The following CSMD1 variants were observed in gnomAD, a reference collection of about 807,000 sequenced individuals.
CSMD1 encodes CUB and Sushi multiple domains 1.
In CSMD1, 213 loss-of-function variants were observed where a neutral mutation model predicts 417.5. The observed-to-expected ratio is 0.51, with a 90% CI of 0.46 to 0.57. The LOEUF (loss-of-function observed/expected upper bound fraction) is 0.57, where lower values mean the gene tolerates loss of function less well. Ranked by LOEUF, CSMD1 falls within the 20% of genes least tolerant of loss-of-function variation. The pLI is 0.00. For synonymous variants in CSMD1, 2,862 were observed against 1,736.8 expected (o/e 1.65, Z -16.11); for missense variants, 6,923 against 4,529.7 (o/e 1.53, Z -15.17).
rs1386911764 is a variant in CSMD1 at position 4,266,757 on chromosome 8, A to G, written c.415+153196T>C. On this transcript the variant is annotated intron_variant, in intron 3 of 69. Coordinates refer to ENST00000635120, the MANE Select transcript of CSMD1 (RefSeq NM_033225.6). The stretch of plus-strand genomic sequence containing the variant: ...TTGTCTAATAAAAATTTGATGATCT[A>G]TAAATCCTCAAAATAGTAGCACAGA... Among the ~76,000 whole-genome samples the G allele has an allele frequency of 3.9e-4, 41 of 105,282 alleles. 17 individuals are homozygous for G. Among genetic ancestry groups the G allele is most frequent in the Non-Finnish European group, 1.0e-4 (4 of 39,028 alleles). 69.1% of individuals were successfully genotyped at this position (105,282 alleles called of 152,430 possible).
chr8:4,877,773 A>T (rs896029547), intron 1 of CSMD1, among the ~76,000 whole-genome samples: 24 of 152,132 alleles, frequency 1.6e-4, no homozygotes, highest in African/African-American at 5.8e-4. Flanking sequence ...TGCCTGTAAA[A>T]AGTACAGTCC....
At chr8:3,873,841 G>A (rs1805642280) in intron 5 of CSMD1, among the ~76,000 whole-genome samples, 1 of 152,166 alleles carries the variant, frequency 6.6e-6, no homozygotes, top group Admixed American at 6.5e-5. Flanking sequence ...GTAGTTTCTG[G>A]ATGTTAGGAA....
intron 10 of CSMD1, among the ~76,000 whole-genome samples, chr8:3,513,724 C>A (rs532911534): frequency 1.6e-4 from 25 of 152,208 alleles, no homozygotes; most frequent in Non-Finnish European, 2.9e-4. Flanking sequence ...CCCTCATAGT[C>A]TGTGTGTTAG....
At chr8:4,473,904 A>T (rs1800663903) in intron 2 of CSMD1, among the ~76,000 whole-genome samples, 1 of 152,196 alleles carries the variant, frequency 6.6e-6, no homozygotes. Flanking sequence ...ATCAGTGAAA[A>T]AGAACAAACT....
chr8:4,988,851 T>A (rs73499408), intron 1 of CSMD1, among the ~76,000 whole-genome samples: 4,981 of 152,302 alleles, frequency 0.033, 260 homozygotes, highest in African/African-American at 0.11. Context: ...TGTGCATTAT[T>A]TCCATAAAGC....
At chr8:4,813,069 A>G (rs1201287933) in intron 1 of CSMD1, among the ~76,000 whole-genome samples, 3 of 152,234 alleles carry the variant, frequency 2.0e-5, no homozygotes, top group Non-Finnish European at 2.9e-5. Flanking sequence ...CCTCTGGCAG[A>G]GGTAGATATT....
intron 1 of CSMD1, among the ~76,000 whole-genome samples, chr8:4,964,001 T>C (rs370352088): frequency 6.6e-6 from 1 of 152,068 alleles, no homozygotes; most frequent in African/African-American, 2.4e-5. Context: ...GTTAAGCATA[T>C]GGCACATGTG....
intron 37 of CSMD1, among the ~76,000 whole-genome samples, chr8:3,170,493 C>G (rs1017035824): frequency 6.6e-6 from 1 of 152,232 alleles, no homozygotes; most frequent in Admixed American, 6.5e-5. Flanking sequence ...CAGGCGTGAG[C>G]CACCGTGCCC....
intron 1 of CSMD1, among the ~76,000 whole-genome samples, chr8:4,680,605 G>T (rs971327472): frequency 3.3e-5 from 5 of 151,112 alleles, no homozygotes; most frequent in African/African-American, 1.2e-4. Flanking sequence ...TTTTGTGACA[G>T]AGTCTTCCTC....
intron 2 of CSMD1, among the ~76,000 whole-genome samples, chr8:4,582,953 T>G (rs1272850543): frequency 6.6e-6 from 1 of 152,154 alleles, no homozygotes; most frequent in African/African-American, 2.4e-5. Context: ...CCCTGAGCAA[T>G]GAGGGACATA....
At chr8:3,253,064 C>G (rs1006722995) in intron 26 of CSMD1, among the ~76,000 whole-genome samples, 2 of 152,080 alleles carry the variant, frequency 1.3e-5, no homozygotes, top group Non-Finnish European at 2.9e-5. Flanking sequence ...TTCTTTCCTT[C>G]TGCTAGCTTT....
intron 3 of CSMD1, among the ~76,000 whole-genome samples, chr8:4,272,810 T>C (rs1201215498): frequency 6.6e-6 from 1 of 152,216 alleles, no homozygotes; most frequent in Non-Finnish European, 1.5e-5. Context: ...AACTCACCAC[T>C]ATATACCTTT....
At chr8:4,666,239 G>C (rs1326895903) in intron 1 of CSMD1, among the ~76,000 whole-genome samples, 1 of 152,130 alleles carries the variant, frequency 6.6e-6, no homozygotes, top group Non-Finnish European at 1.5e-5. Context: ...TGGTGGAGGG[G>C]AATCAAGGTA....
intron 3 of CSMD1, among the ~76,000 whole-genome samples, chr8:4,076,050 T>C (rs893211808): frequency 6.6e-6 from 1 of 152,166 alleles, no homozygotes; most frequent in Non-Finnish European, 1.5e-5. Context: ...ATAAGTGATA[T>C]GGTTTGGCTG....
chr8:3,040,546 T>C (rs1811019746), intron 50 of CSMD1, among the ~76,000 whole-genome samples: 1 of 151,870 alleles, frequency 6.6e-6, no homozygotes, highest in Non-Finnish European at 1.5e-5. Context: ...GGCTCATGCC[T>C]GTAATCCCAG....
intron 8 of CSMD1, among the ~76,000 whole-genome samples, chr8:3,596,927 C>G (rs1801122477): frequency 6.6e-6 from 1 of 152,180 alleles, no homozygotes; most frequent in African/African-American, 2.4e-5. Flanking sequence ...GCCTCAGTTT[C>G]CAAGTGCCCC....
chr8:4,204,537 G>A (rs1799865763), intron 3 of CSMD1, among the ~76,000 whole-genome samples: 1 of 152,136 alleles, frequency 6.6e-6, no homozygotes, highest in African/African-American at 2.4e-5. Flanking sequence ...CTTTCAAAGT[G>A]TAGAAGAAAT....
chr8:4,415,897 A>C (rs1796909361), intron 3 of CSMD1, among the ~76,000 whole-genome samples: 2 of 152,204 alleles, frequency 1.3e-5, no homozygotes, highest in African/African-American at 4.8e-5. Flanking sequence ...AAGGATTGCA[A>C]CTTCTGTAGA....
intron 3 of CSMD1, among the ~76,000 whole-genome samples, chr8:4,165,698 C>A (rs181834461): frequency 2.6e-5 from 4 of 152,160 alleles, no homozygotes; most frequent in Non-Finnish European, 1.5e-5. Flanking sequence ...CCATCACACC[C>A]GGCCCAAGTA....
Sources: gnomAD v4.1 joint callset for allele counts (sites outside exome capture counted in the v4.1 genomes callset) on GRCh38, gnomAD v4.1.1 for gene constraint, MANE v1.5 for transcripts, NCBI Gene and HGNC (gene_info 2026-07-23, HGNC 2026-07-21) for gene names.